FRMD5: variants seen among roughly 807,000 people sequenced by gnomAD.
FRMD5 encodes the protein FERM domain containing 5, also known as FERM domain-containing protein 5.
A neutral mutation model predicts 69.0 loss-of-function variants in FRMD5; 20 were observed. That is an observed-to-expected ratio of 0.29 (90% CI 0.20 to 0.42). The LOEUF is 0.42. Among genes scored for constraint, FRMD5 ranks in the 10% least tolerant of loss-of-function variants. The pLI is 1.00. For synonymous variants in FRMD5, 271 were observed against 260.1 expected (o/e 1.04, Z -0.40); for missense variants, 595 against 708.6 (o/e 0.84, Z 1.82).
intron 1 of FRMD5, among the ~76,000 whole-genome samples, chr15:44,128,930 T>C (rs1052292442): frequency 6.6e-6 from 1 of 152,176 alleles, no homozygotes; most frequent in African/African-American, 2.4e-5. Context: ...TGAGTTACTT[T>C]TGGAGAAGGT....
At chr15:44,190,842 G>T (rs531469764) in intron 1 of FRMD5, among the ~76,000 whole-genome samples, 1 of 152,080 alleles carries the variant, frequency 6.6e-6, no homozygotes, top group Non-Finnish European at 1.5e-5. Flanking sequence ...ACTATGTAAG[G>T]CATCGAACTA....
At chr15:43,884,659 C>A in intron 12 of FRMD5, 68 bp downstream of exon 12, 1 of 1,475,984 alleles carries the variant, frequency 6.8e-7, no homozygotes, top group South Asian at 1.2e-5. Flanking sequence ...TCACAGTACT[C>A]AAACTGCTGG....
At chr15:44,164,395 A>C (rs1160663052) in intron 1 of FRMD5, among the ~76,000 whole-genome samples, 2 of 151,682 alleles carry the variant, frequency 1.3e-5, no homozygotes, top group African/African-American at 4.8e-5. Flanking sequence ...TTTTTTTTGC[A>C]GATGCACTAT....
Position 43,873,652 on chromosome 15 carries a change from C to T in FRMD5, c.*233G>A, listed in dbSNP as rs1444747126. 1.3e-6 allele frequency: 2 copies of T among 1,495,000 alleles called. No homozygotes were observed. The highest frequency in any genetic ancestry group is 1.8e-6 in the Non-Finnish European group (2 of 1,132,006). 92.6% of individuals were successfully genotyped at this position (1,495,000 alleles called of 1,614,324 possible). On this transcript the variant is annotated 3_prime_UTR_variant, in exon 14 of 14. Transcript: ENST00000417257. Reference sequence around the variant, plus strand: ...AAAGATGAGAAACAGAGTCGCTGAGCCTTTCTTGAAATAACTTCTGAAGAA... The same window carrying T: ...AAAGATGAGAAACAGAGTCGCTGAGTCTTTCTTGAAATAACTTCTGAAGAA...
chr15:43,927,385 G>A (rs1163579810), intron 1 of FRMD5, among the ~76,000 whole-genome samples: 1 of 152,092 alleles, frequency 6.6e-6, no homozygotes, highest in Non-Finnish European at 1.5e-5. Context: ...CTACAGGAAA[G>A]AGTGACTCTC....
chr15:43,929,638 G>T (rs905180545), intron 1 of FRMD5, among the ~76,000 whole-genome samples: 2 of 152,140 alleles, frequency 1.3e-5, no homozygotes, highest in Non-Finnish European at 2.9e-5. Context: ...GGCACCCGTA[G>T]CCCAAAGTAC....
chr15:43,907,527 C>CTTTT (rs758126629), intron 5 of FRMD5, among the ~76,000 whole-genome samples: 1 of 138,806 alleles, frequency 7.2e-6, no homozygotes, highest in Non-Finnish European at 1.6e-5. Flanking sequence ...CCAGGCCTAG[C>CTTTT]TTTTTTTTTT....
chr15:44,084,109 A>C (rs1290736774), intron 1 of FRMD5, among the ~76,000 whole-genome samples: 1 of 152,038 alleles, frequency 6.6e-6, no homozygotes, highest in Non-Finnish European at 1.5e-5. Flanking sequence ...CTGACTGGCT[A>C]TTTGACCTTG....
chr15:44,001,847 C>T (rs1421823121), intron 1 of FRMD5, among the ~76,000 whole-genome samples: 1 of 152,056 alleles, frequency 6.6e-6, no homozygotes, highest in Admixed American at 6.6e-5. Context: ...GATCCTCCTG[C>T]CTCAGCCTCC....
At chr15:44,082,754 T>C (rs1894046786) in intron 1 of FRMD5, among the ~76,000 whole-genome samples, 1 of 151,930 alleles carries the variant, frequency 6.6e-6, no homozygotes, top group Non-Finnish European at 1.5e-5. Flanking sequence ...TGTTGGTACT[T>C]AGAGGAAAAA....
chr15:43,878,572 C>G (rs1190891401), intron 13 of FRMD5, among the ~76,000 whole-genome samples: 1 of 152,178 alleles, frequency 6.6e-6, no homozygotes, highest in Non-Finnish European at 1.5e-5. Flanking sequence ...GAATATGTAC[C>G]TTGGGACAGG....
At chr15:44,178,328 A>C (rs1049869116) in intron 1 of FRMD5, among the ~76,000 whole-genome samples, 1 of 152,132 alleles carries the variant, frequency 6.6e-6, no homozygotes, top group Non-Finnish European at 1.5e-5. Flanking sequence ...CCATCTCAAA[A>C]ATAAATAAAA....
chr15:44,134,266 C>T lies in FRMD5; in HGVS notation c.102+60687G>A, dbSNP rs75668125. The stretch of plus-strand genomic sequence containing the variant: ...CTAGAACTACAGGTGTGCATCACCA[C>T]GTCCAGCTTTACAAATACTTACAAA... On this transcript the variant is annotated intron_variant, in intron 1 of 13. Transcript: ENST00000417257. 7.1e-3 allele frequency among the ~76,000 whole-genome samples: 1,086 copies of T among 152,042 alleles called. 10 individuals are homozygous for T. The highest frequency in any genetic ancestry group is 0.025 in the African/African-American group (1,036 of 41,466).
At chr15:44,167,701 G>A (rs374098981) in intron 1 of FRMD5, among the ~76,000 whole-genome samples, 9 of 152,038 alleles carry the variant, frequency 5.9e-5, no homozygotes, top group Non-Finnish European at 8.8e-5. Flanking sequence ...GTGATTCTCC[G>A]GCCTCAGCCT....
chr15:43,901,288 C>T (rs1037751357), intron 7 of FRMD5, among the ~76,000 whole-genome samples: 15 of 152,200 alleles, frequency 9.9e-5, no homozygotes, highest in Non-Finnish European at 2.1e-4. Context: ...CTTTAAGCCA[C>T]CCAGTCTGTG....
At chr15:44,166,709 G>C (rs889255034) in intron 1 of FRMD5, among the ~76,000 whole-genome samples, 2 of 150,486 alleles carry the variant, frequency 1.3e-5, no homozygotes, top group Non-Finnish European at 3.0e-5. Context: ...GTTTAAACCC[G>C]GGAGGTAGAG....
chr15:43,928,876 G>A (rs2089630184), intron 1 of FRMD5, among the ~76,000 whole-genome samples: 1 of 152,204 alleles, frequency 6.6e-6, no homozygotes, highest in Non-Finnish European at 1.5e-5. Flanking sequence ...TTATCTTCAG[G>A]ACAAGTGAGC....
intron 1 of FRMD5, among the ~76,000 whole-genome samples, chr15:44,000,246 C>T (rs1168912138): frequency 6.6e-6 from 1 of 151,904 alleles, no homozygotes; most frequent in African/African-American, 2.4e-5. Context: ...CTCAGTCTCC[C>T]AAAATGCTGA....
At chr15:44,064,554 A>C (rs574369499) in intron 1 of FRMD5, among the ~76,000 whole-genome samples, 21 of 152,254 alleles carry the variant, frequency 1.4e-4, no homozygotes, top group African/African-American at 5.1e-4. Flanking sequence ...TCGTCATTGC[A>C]CTCCATCTTG....
Sources: gnomAD v4.1 joint callset for allele counts (sites outside exome capture counted in the v4.1 genomes callset) on GRCh38, gnomAD v4.1.1 for gene constraint, MANE v1.5 for transcripts, NCBI Gene and HGNC (gene_info 2026-07-23, HGNC 2026-07-21) for gene names.